Variants in ABAT observed in about 807,000 individuals in gnomAD.
ABAT encodes 4-aminobutyrate aminotransferase, mitochondrial.
Under a neutral mutation model 64.6 loss-of-function variants are expected in ABAT, and 45 were observed. The ratio of observed to expected loss-of-function variants is 0.70; its 90% CI spans 0.55 to 0.89. The LOEUF (loss-of-function observed/expected upper bound fraction) is 0.89. Ranked by LOEUF, ABAT falls within the 40% of genes least tolerant of loss-of-function variation. ABAT has a pLI of 0.00. For synonymous variants in ABAT, 297 were observed against 250.5 expected, an observed-to-expected ratio of 1.19 and a Z score of -1.75; for missense variants, 633 against 658.4, an observed-to-expected ratio of 0.96 and a Z score of 0.42.
At chr16:8,735,367 T>C (rs896574657) in intron 1 of ABAT, among the ~76,000 whole-genome samples, 1 of 151,594 alleles carries the variant, frequency 6.6e-6, no homozygotes, top group Admixed American at 6.6e-5. Context: ...TCCTACCACA[T>C]CAGCCTCCTG....
At chr16:8,702,865 T>A (rs1020846414) in intron 1 of ABAT, among the ~76,000 whole-genome samples, 6 of 151,986 alleles carry the variant, frequency 3.9e-5, no homozygotes, top group Non-Finnish European at 7.4e-5. Flanking sequence ...AGAAGGTTGA[T>A]GCTTAGGACA....
At chr16:8,701,904 G>T (rs967032169) in intron 1 of ABAT, among the ~76,000 whole-genome samples, 1 of 151,794 alleles carries the variant, frequency 6.6e-6, no homozygotes, top group African/African-American at 2.4e-5. Flanking sequence ...ACCACGAGGG[G>T]GCCAGTGTGG....
chr16:8,720,534 G>A (rs2058338587), intron 1 of ABAT, among the ~76,000 whole-genome samples: 1 of 152,234 alleles, frequency 6.6e-6, no homozygotes, highest in Non-Finnish European at 1.5e-5. Flanking sequence ...AAAGTCAGAA[G>A]AGGCTGTTGC....
intron 1 of ABAT, among the ~76,000 whole-genome samples, chr16:8,696,288 C>T (rs986834023): frequency 6.6e-6 from 1 of 152,036 alleles, no homozygotes; most frequent in African/African-American, 2.4e-5. Context: ...GCAGGGGGAC[C>T]CTGGGGAAGA....
In ABAT at chr16:8,776,768, A is replaced by G. The variant is rs2060277054; in HGVS notation, c.1269+278A>G. Among the ~76,000 whole-genome samples the G allele has an allele frequency of 6.6e-6, 1 of 151,812 alleles. No homozygotes were observed. The highest frequency in any genetic ancestry group is 2.1e-4 in the South Asian group (1 of 4,796). On this transcript the variant is annotated intron_variant, in intron 14 of 15. Transcript: ENST00000268251. The surrounding 1 kb of genome is among the most constrained non-coding windows in gnomAD (Gnocchi z 4.4). ...TTTTTTATTTTTTTAATATTGAGAC[A>G]TGGTCAAGCTCTGTTAGCCAGTCCG...
At chr16:8,721,776 G>A (rs749426880) in intron 1 of ABAT, among the ~76,000 whole-genome samples, 1 of 152,176 alleles carries the variant, frequency 6.6e-6, no homozygotes, top group Non-Finnish European at 1.5e-5. Context: ...CATTGAACTC[G>A]GCCTCTTAGC....
intron 1 of ABAT, among the ~76,000 whole-genome samples, chr16:8,721,270 T>C (rs2058362490): frequency 6.6e-6 from 1 of 152,194 alleles, no homozygotes; most frequent in Admixed American, 6.5e-5. Flanking sequence ...ACAGGCTTTT[T>C]TCTCCCTGTA....
rs779656143 is a variant in ABAT, at chr16:8,776,517, C to T, written c.1269+27C>T. The T allele has an allele frequency of 1.3e-6, 2 of 1,569,556 alleles. No individual in the cohort carries two copies. The highest frequency in any genetic ancestry group is 2.3e-5 in the East Asian group (1 of 42,676). Reference sequence around the variant, plus strand: ...TAACACCCCCTCCCCTGCCCCGCCCCCACCACCCATGGCTCCCCGCAGCAG... The same window carrying T: ...TAACACCCCCTCCCCTGCCCCGCCCTCACCACCCATGGCTCCCCGCAGCAG... On this transcript the variant is annotated intron_variant, in intron 14 of 15. Coordinates refer to ENST00000268251, the MANE Select transcript of ABAT (RefSeq NM_020686.6). This position sits in a 1 kb window ranked among gnomAD's most constrained non-coding sequence, Gnocchi z 4.4.
intron 1 of ABAT, among the ~76,000 whole-genome samples, chr16:8,727,380 T>C (rs1596426836): frequency 6.6e-6 from 1 of 152,312 alleles, no homozygotes; most frequent in East Asian, 1.9e-4. Flanking sequence ...CCTTAGCTAC[T>C]CCGTGTCATC....
chr16:8,685,883 A>G (rs979598578), intron 1 of ABAT, among the ~76,000 whole-genome samples: 2 of 152,140 alleles, frequency 1.3e-5, no homozygotes, highest in African/African-American at 2.4e-5. Context: ...AGATTAAAGC[A>G]AGGCAGTGAT....
At chr16:8,761,345 C>T (rs776000775) in intron 6 of ABAT, among the ~76,000 whole-genome samples, 20 of 152,156 alleles carry the variant, frequency 1.3e-4, no homozygotes, top group Non-Finnish European at 2.8e-4. Flanking sequence ...CAAACTGTGC[C>T]GCGTGTGGAA....
At chr16:8,692,982 T>C (rs1596401766) in intron 1 of ABAT, among the ~76,000 whole-genome samples, 1 of 152,146 alleles carries the variant, frequency 6.6e-6, no homozygotes. Context: ...GCCTCCTGAG[T>C]AGCTGGGATT....
At chr16:8,676,585 C>T (rs1449486097) in intron 1 of ABAT, among the ~76,000 whole-genome samples, 1 of 152,176 alleles carries the variant, frequency 6.6e-6, no homozygotes, top group Non-Finnish European at 1.5e-5. Flanking sequence ...TTACCCCGTG[C>T]GATCTTTGTG....
At chr16:8,760,739 C>T (rs144599567) in intron 6 of ABAT, among the ~76,000 whole-genome samples, 148 of 152,338 alleles carry the variant, frequency 9.7e-4, no homozygotes, top group African/African-American at 3.3e-3. Context: ...TGTCAACCGC[C>T]TCCAGAGGCA....
At chr16:8,749,998 AG>A (rs2142718327) in intron 4 of ABAT, among the ~76,000 whole-genome samples, 1 of 152,322 alleles carries the variant, frequency 6.6e-6, no homozygotes, top group South Asian at 2.1e-4. Context: ...TACAGGCATG[AG>A]GCACTGCACT....
intron 10 of ABAT, 149 bp from the exon 11 acceptor site, chr16:8,768,676 A>C: frequency 1.8e-6 from 2 of 1,119,228 alleles, no homozygotes; most frequent in Non-Finnish European, 2.7e-6. Flanking sequence ...ATTAAAAATT[A>C]AACGATAAAA....
At chr16:8,726,537 G>A (rs777512811) in intron 1 of ABAT, among the ~76,000 whole-genome samples, 30 of 152,260 alleles carry the variant, frequency 2.0e-4, no homozygotes, top group African/African-American at 3.1e-4. Flanking sequence ...GAGCCACTGC[G>A]CTGAATAGTA....
At chr16:8,708,458 T>TG (rs2057998552) in intron 1 of ABAT, among the ~76,000 whole-genome samples, 2 of 151,456 alleles carry the variant, frequency 1.3e-5, no homozygotes, top group Non-Finnish European at 2.9e-5. Context: ...GGTGGGGTGG[T>TG]GGGGGGCGCA....
intron 1 of ABAT, among the ~76,000 whole-genome samples, chr16:8,719,243 T>C (rs551255601): frequency 1.3e-5 from 2 of 152,316 alleles, no homozygotes; most frequent in African/African-American, 4.8e-5. Context: ...TTCTGTGGCG[T>C]TGGCCCGGGT....
Sources: allele counts gnomAD v4.1 joint callset (sites outside exome capture counted in the v4.1 genomes callset), GRCh38; gene constraint gnomAD v4.1.1; non-coding constraint Gnocchi (gnomAD v3.1); transcripts MANE v1.5; gene names NCBI Gene and HGNC (gene_info 2026-07-23, HGNC 2026-07-21).